STRIP2: variants seen among roughly 807,000 people sequenced by gnomAD.
STRIP2 encodes striatin-interacting protein 2.
A neutral mutation model predicts 107.1 loss-of-function variants in STRIP2; 84 were observed. The observed-to-expected ratio is 0.78, with a 90% CI of 0.66 to 0.94. STRIP2 has a LOEUF of 0.94. STRIP2 is among the 40% of genes least tolerant of loss of function. The probability of loss-of-function intolerance (pLI) is 0.00; values close to 1 mark genes in which losing one functional copy is unlikely to be tolerated. For synonymous variants in STRIP2, 394 were observed against 400.4 expected, an observed-to-expected ratio of 0.98 and a Z score of 0.19; for missense variants, 888 against 1,034.2, an observed-to-expected ratio of 0.86 and a Z score of 1.94.
chr7:129,476,557 G>A (rs915913471), intron 18 of STRIP2, among the ~76,000 whole-genome samples: 2 of 151,382 alleles, frequency 1.3e-5, no homozygotes, highest in African/African-American at 2.4e-5. Flanking sequence ...GCCGGGCAGA[G>A]GCACTCCTCA....
intron 18 of STRIP2, among the ~76,000 whole-genome samples, chr7:129,472,151 G>T (rs553339195): frequency 1.3e-5 from 2 of 152,304 alleles, no homozygotes; most frequent in Non-Finnish European, 2.9e-5. Context: ...TTCAGAGTTG[G>T]AATGAAGAAT....
At chr7:129,455,544 G>T (rs913209015) in intron 8 of STRIP2, among the ~76,000 whole-genome samples, 173 bp downstream of exon 8, 9 of 152,194 alleles carry the variant, frequency 5.9e-5, no homozygotes, top group African/African-American at 2.2e-4. Flanking sequence ...GATGTTCTAT[G>T]TTAGAATGGG....
rs1431489685 is a variant in STRIP2 at position 129,470,698 on chromosome 7, C to A, written c.1927C>A (p.Leu643Ile). ...PCCTIQDLPE[L>I]TTESLEAGDN... is the part of the protein sequence containing the mutation. Reference sequence around the variant, plus strand: ...CTGTACCATCCAGGATTTGCCGGAGCTTACTACTGAAAGTCTGGTAAGCAG... The same window carrying A: ...CTGTACCATCCAGGATTTGCCGGAGATTACTACTGAAAGTCTGGTAAGCAG... The change falls in exon 18 of 21, where the codon CTT becomes ATT. Residue 643 changes from leucine (L) to isoleucine (I), a missense_variant. Leu to Ile is a conservative substitution (Grantham distance 5). Coordinates refer to ENST00000249344, the MANE Select transcript of STRIP2 (RefSeq NM_020704.3). The A allele has an allele frequency of 2.5e-6, 4 of 1,613,854 alleles. No individual in the cohort carries two copies. The highest frequency in any genetic ancestry group is 1.6e-4 in the Middle Eastern group (1 of 6,084).
chr7:129,446,929 C>A (rs553746877), intron 3 of STRIP2, among the ~76,000 whole-genome samples: 55 of 152,316 alleles, frequency 3.6e-4, no homozygotes, highest in Middle Eastern at 6.8e-3. Flanking sequence ...CATAGTCAAA[C>A]GTTCAGTTTC....
In STRIP2 at chr7:129,483,517, T is replaced by G; in HGVS notation, c.2254+471T>G. The stretch of plus-strand genomic sequence containing the variant: ...TTTTCTATGCATATACATGCATATT[T>G]TATCAAAATGAAAGCAAGTTATGTA... On this transcript the variant is annotated intron_variant, in intron 20 of 20. Transcript: ENST00000249344. The surrounding 1 kb of genome is among the most constrained non-coding windows in gnomAD (Gnocchi z 5.1). 1 of 188,856 alleles carries G rather than the reference T, an allele frequency of 5.3e-6. No individual in the cohort carries two copies. The highest frequency in any genetic ancestry group is 9.9e-6 in the Non-Finnish European group (1 of 101,118). 11.7% of individuals were successfully genotyped at this position (188,856 alleles called of 1,614,324 possible).
At chr7:129,447,932 C>G (rs1052414297) in intron 3 of STRIP2, among the ~76,000 whole-genome samples, 2 of 152,218 alleles carry the variant, frequency 1.3e-5, no homozygotes, top group African/African-American at 4.8e-5. Context: ...CTTTGTCTTT[C>G]AAGTCCTTGA....
chr7:129,476,302 C>T (rs1361833898), intron 18 of STRIP2, among the ~76,000 whole-genome samples: 8 of 121,688 alleles, frequency 6.6e-5, no homozygotes, highest in Non-Finnish European at 1.2e-4. Context: ...TTCCCAGATG[C>T]GGCGGCTGCC....
At chr7:129,465,725 G>A (rs1798654945) in intron 16 of STRIP2, among the ~76,000 whole-genome samples, 1 of 152,208 alleles carries the variant, frequency 6.6e-6, no homozygotes. Flanking sequence ...TAAGGAGTTT[G>A]GACTTGGTTT....
intron 2 of STRIP2, 25 bp from the exon 3 acceptor site, chr7:129,443,999 G>A: frequency 6.3e-7 from 1 of 1,589,826 alleles, no homozygotes; most frequent in Non-Finnish European, 8.6e-7. Context: ...TCCCGAATGT[G>A]ACTGTTCTGT....
intron 18 of STRIP2, among the ~76,000 whole-genome samples, chr7:129,479,928 A>C (rs1014094654): frequency 1.3e-5 from 2 of 152,108 alleles, no homozygotes; most frequent in Non-Finnish European, 2.9e-5. Flanking sequence ...GCTTCAAATT[A>C]ATTTGAGGGA....
intron 3 of STRIP2, among the ~76,000 whole-genome samples, chr7:129,451,150 G>A (rs973078768): frequency 5.9e-5 from 9 of 151,740 alleles, no homozygotes; most frequent in South Asian, 2.1e-4. Flanking sequence ...TTTTTTAGCC[G>A]GGATGGTCTC....
intron 3 of STRIP2, 75 bp from the exon 4 acceptor site, chr7:129,451,538 G>C (rs2150995201): frequency 6.4e-7 from 1 of 1,554,950 alleles, no homozygotes; most frequent in Non-Finnish European, 8.8e-7. Context: ...GATCAGAGGT[G>C]GATATGCTAT....
intron 19 of STRIP2, among the ~76,000 whole-genome samples, chr7:129,482,375 A>ATTTTTT (rs1325271361): frequency 3.7e-5 from 3 of 80,106 alleles, no homozygotes; most frequent in African/African-American, 4.8e-5. Flanking sequence ...ATATATATAT[A>ATTTTTT]TATTTTTTTT....
rs1798313761 is a variant in STRIP2 at position 129,455,294 on chromosome 7, G to A, written c.757G>A (p.Val253Ile). ...EPFALLLFSM[V>I]TKFCSGLAPH... ...TTTTGCCCTTTTACTCTTCTCCATGGTTACCAAGTTCTGCAGTGGCCTGGC... is the reference window on the plus strand; with the variant it reads ...TTTTGCCCTTTTACTCTTCTCCATGATTACCAAGTTCTGCAGTGGCCTGGC... Residue 253 changes from valine to isoleucine, a missense_variant, in exon 8 of 21, where the codon GTT (valine) becomes ATT (isoleucine). Transcript: ENST00000249344. 6.2e-7 allele frequency: 1 copy of A among 1,613,716 alleles called. No individual in the cohort carries two copies. Among genetic ancestry groups the A allele is most frequent in the Admixed American group, 1.7e-5 (1 of 59,964 alleles).
chr7:129,466,860 T>C (rs922253188), intron 16 of STRIP2, among the ~76,000 whole-genome samples: 6 of 152,218 alleles, frequency 3.9e-5, no homozygotes, highest in Non-Finnish European at 5.9e-5. Context: ...AAGGATAATA[T>C]GGTACACCAG....
At chr7:129,476,902 C>T (rs898255792) in intron 18 of STRIP2, among the ~76,000 whole-genome samples, 16 of 151,898 alleles carry the variant, frequency 1.1e-4, no homozygotes, top group African/African-American at 3.6e-4. Flanking sequence ...ACTGAGTGAA[C>T]GAGACTCCGT....
chr7:129,459,898 G>A (rs548462736), intron 12 of STRIP2, among the ~76,000 whole-genome samples: 4 of 151,370 alleles, frequency 2.6e-5, no homozygotes, highest in African/African-American at 9.7e-5. Flanking sequence ...ACTTCCAAAG[G>A]CCCAGGATTG....
chr7:129,458,281 C>T lies in STRIP2; in HGVS notation c.1105C>T (p.Pro369Ser). 6.2e-7 allele frequency: 1 copy of T among 1,614,182 alleles called. No individual in the cohort carries two copies. Among genetic ancestry groups the T allele is most frequent in the Non-Finnish European group, 8.5e-7 (1 of 1,180,024 alleles). Residue 369 changes from proline to serine, a missense_variant, in exon 10 of 21, where the codon CCC (proline) becomes TCC (serine). Coordinates refer to ENST00000249344, the MANE Select transcript of STRIP2 (RefSeq NM_020704.3). The surrounding 1 kb of genome is among the most constrained non-coding windows in gnomAD (Gnocchi z 4.6). ...NERDLFKTEE[P>S]ATEEEEESAG... ...AAGGGATCTCTTCAAGACTGAGGAG[C>T]CCGCCACAGAGGAGGAAGAGGAGTC...
intron 9 of STRIP2, 88 bp downstream of exon 9, chr7:129,456,730 A>G: frequency 7.8e-7 from 1 of 1,274,556 alleles, no homozygotes; most frequent in Non-Finnish European, 1.1e-6. Context: ...AGGAAAAAGC[A>G]GTAAATGACC....
Sources: gnomAD v4.1 joint callset for allele counts (sites outside exome capture counted in the v4.1 genomes callset) on GRCh38, gnomAD v4.1.1 for gene constraint, Gnocchi (gnomAD v3.1) non-coding constraint, MANE v1.5 for transcripts, NCBI Gene and HGNC (gene_info 2026-07-23, HGNC 2026-07-21) for gene names.